Variants in DNAJC11 observed in about 807,000 individuals in gnomAD.
The protein encoded by DNAJC11 is dnaJ homolog subfamily C member 11.
DNAJC11 carries 15 observed loss-of-function variants against 78.6 expected under a neutral mutation model. That is an observed-to-expected ratio of 0.19 (90% CI 0.13 to 0.29). The LOEUF is 0.29. DNAJC11 is among the 10% of genes least tolerant of loss of function. DNAJC11 has a pLI of 1.00. For missense variants in DNAJC11, 547 were observed against 709.6 expected, an observed-to-expected ratio of 0.77 and a Z score of 2.60; for synonymous variants, 292 against 272.1, an observed-to-expected ratio of 1.07 and a Z score of -0.72.
chr1:6,658,843 C>T (rs1327752038), intron 4 of DNAJC11, among the ~76,000 whole-genome samples: 1 of 152,280 alleles, frequency 6.6e-6, no homozygotes, highest in African/African-American at 2.4e-5. Flanking sequence ...CAACTGCTGC[C>T]CCCCTGGCCA....
At chr1:6,677,002 T>C (rs1198273603) in intron 3 of DNAJC11, among the ~76,000 whole-genome samples, 2 of 152,012 alleles carry the variant, frequency 1.3e-5, no homozygotes, top group African/African-American at 4.8e-5. Context: ...GGAGAAACCC[T>C]GTCTCTACTA....
intron 1 of DNAJC11, among the ~76,000 whole-genome samples, chr1:6,687,680 C>T (rs557919370): frequency 6.6e-5 from 10 of 152,222 alleles, no homozygotes; most frequent in South Asian, 2.1e-4. Flanking sequence ...TTCCCAGCTC[C>T]GCCATATCCT....
At chr1:6,648,763 C>T (rs753867135) in intron 7 of DNAJC11, among the ~76,000 whole-genome samples, 38 of 152,252 alleles carry the variant, frequency 2.5e-4, no homozygotes, top group Admixed American at 5.2e-4. Flanking sequence ...GCCCCCGAGG[C>T]GGCTTTTAAC....
chr1:6,692,703 C>A (rs1440411818), intron 1 of DNAJC11, among the ~76,000 whole-genome samples: 1 of 149,970 alleles, frequency 6.7e-6, no homozygotes, highest in African/African-American at 2.5e-5. Flanking sequence ...CTCTGCCTCC[C>A]GGGTTCAAGT....
At chr1:6,654,554 G>T (rs142984878) in intron 4 of DNAJC11, among the ~76,000 whole-genome samples, 152 of 152,270 alleles carry the variant, frequency 1.0e-3, no homozygotes, top group Middle Eastern at 3.4e-3. Context: ...AAATTAATGA[G>T]AATTAAGTTT....
chr1:6,635,456 C>T lies in DNAJC11; in HGVS notation c.*219G>A, dbSNP rs1373419150. ...CTTGGGAAAACAGCCATGGGCCAGG[C>T]TGCAGTCTGGTTCCCAGTGGGGCTG... On this transcript the variant is annotated 3_prime_UTR_variant, in exon 16 of 16. Coordinates refer to ENST00000377577, the MANE Select transcript of DNAJC11 (RefSeq NM_018198.4). 1 of 541,528 alleles carries T rather than the reference C, an allele frequency of 1.8e-6. No individual in the cohort carries two copies. Among genetic ancestry groups the T allele is most frequent in the Non-Finnish European group, 3.3e-6 (1 of 304,814 alleles). 33.5% of individuals were successfully genotyped at this position (541,528 alleles called of 1,614,324 possible). A position where few individuals can be genotyped will look rare whatever the true frequency, so the allele number is the denominator to read the frequency against.
chr1:6,684,479 C>A (rs758704453), intron 1 of DNAJC11, among the ~76,000 whole-genome samples: 5 of 152,324 alleles, frequency 3.3e-5, no homozygotes, highest in Admixed American at 1.3e-4. Context: ...CTCAGTTAGA[C>A]TGCTATTTCC....
chr1:6,667,308 CTTAGGTGG>C (rs1281616653), intron 4 of DNAJC11, among the ~76,000 whole-genome samples: 1 of 152,140 alleles, frequency 6.6e-6, no homozygotes. Flanking sequence ...TGCCTCAATG[CTTAGGTGG>C]TTAGGTGGCT....
chr1:6,635,734 A>G, intron 15 of DNAJC11, 34 bp from the exon 16 acceptor site: 2 of 1,613,984 alleles, frequency 1.2e-6, no homozygotes, highest in Non-Finnish European at 1.7e-6. Context: ...GGTGATCAGA[A>G]GGTGGCCATT....
In DNAJC11 at chr1:6,646,098, CTCCCAGT is replaced by C; in HGVS notation, c.705-127_705-121del. ...TCACGTCTATGCATCCCTGGGCCAG[CTCCCAGT>C]AAAAAAAAAAGCAGGAGGTCAGGCC... is the stretch of plus-strand genomic sequence containing the variant. On this transcript the variant is annotated intron_variant, in intron 7 of 15. Coordinates refer to ENST00000377577, the MANE Select transcript of DNAJC11 (RefSeq NM_018198.4). 4.0e-6 allele frequency: 4 copies of C among 988,856 alleles called. No homozygotes were observed. The Admixed American group carries it at 7.4e-5, about 18-fold the overall frequency. The allele number at this position is 988,856 out of a possible 1,614,324, so 61.3% of individuals were successfully genotyped here.
intron 4 of DNAJC11, among the ~76,000 whole-genome samples, chr1:6,662,688 C>T (rs879589313): frequency 1.3e-5 from 2 of 152,178 alleles, no homozygotes; most frequent in Non-Finnish European, 2.9e-5. Context: ...GTAAAAAGCA[C>T]CAATTAGTGC....
At chr1:6,635,911 A>G (rs1331796240) in intron 15 of DNAJC11, among the ~76,000 whole-genome samples, 1 of 152,146 alleles carries the variant, frequency 6.6e-6, no homozygotes, top group Non-Finnish European at 1.5e-5. Flanking sequence ...GCTCACTCTA[A>G]TTCTACCTGT....
Position 6,639,501 on chromosome 1 carries a change from T to C in DNAJC11, c.1253+401A>G, listed in dbSNP as rs372701002. 5.4e-3 allele frequency among the ~76,000 whole-genome samples: 816 copies of C among 151,844 alleles called. 5 individuals are homozygous for C. The highest frequency in any genetic ancestry group is 0.018 in the African/African-American group (757 of 41,382). On this transcript the variant is annotated intron_variant, in intron 11 of 15. Transcript: ENST00000377577. ...CGTGCCACCACGCCCGGCTAATTTT[T>C]CTATTTTTTTAGTAGAGACAGGGTT... is the stretch of plus-strand genomic sequence containing the variant.
chr1:6,641,045 A>G (rs1176981988), intron 10 of DNAJC11, among the ~76,000 whole-genome samples: 1 of 152,058 alleles, frequency 6.6e-6, no homozygotes, highest in African/African-American at 2.4e-5. Flanking sequence ...ACTCTTCCAG[A>G]ATAAAAGCTC....
intron 7 of DNAJC11, among the ~76,000 whole-genome samples, chr1:6,649,793 C>T (rs987411359): frequency 9.9e-5 from 15 of 151,590 alleles, no homozygotes; most frequent in East Asian, 2.0e-4. Flanking sequence ...TTGCAACCTC[C>T]GCCTCCTGGG....
At chr1:6,696,398 C>T (rs1642836531) in intron 1 of DNAJC11, among the ~76,000 whole-genome samples, 1 of 152,206 alleles carries the variant, frequency 6.6e-6, no homozygotes, top group South Asian at 2.1e-4. Context: ...ATGGCTGAGT[C>T]AGTGGTCCTG....
intron 1 of DNAJC11, among the ~76,000 whole-genome samples, chr1:6,701,511 G>A (rs1255999452): frequency 6.6e-6 from 1 of 152,198 alleles, no homozygotes; most frequent in Non-Finnish European, 1.5e-5. Flanking sequence ...TGGCCTTCAG[G>A]AGCTGGGGCG....
chr1:6,667,904 A>C lies in DNAJC11; in HGVS notation c.277-94T>G, dbSNP rs566173767. On this transcript the variant is annotated intron_variant, in intron 3 of 15. Coordinates refer to ENST00000377577, the MANE Select transcript of DNAJC11 (RefSeq NM_018198.4). ...TGCAGCCATTGATTTTGGTGTGTGCATGCTGCCTGGGGTCCGGCCACAGCC... is the reference window on the plus strand; with the variant it reads ...TGCAGCCATTGATTTTGGTGTGTGCCTGCTGCCTGGGGTCCGGCCACAGCC... 2.5e-6 allele frequency: 3 copies of C among 1,209,200 alleles called. No individual in the cohort carries two copies. In the South Asian group the frequency reaches 3.7e-5, roughly 15 times the overall value. 74.9% of individuals were successfully genotyped at this position (1,209,200 alleles called of 1,614,324 possible).
At chr1:6,677,095 T>G (rs530123417) in intron 3 of DNAJC11, among the ~76,000 whole-genome samples, 1 of 148,766 alleles carries the variant, frequency 6.7e-6, no homozygotes, top group East Asian at 2.0e-4. Flanking sequence ...GAATCACTTG[T>G]TGCAGTGAGC....
Sources: gnomAD v4.1 joint callset for allele counts (sites outside exome capture counted in the v4.1 genomes callset) on GRCh38, gnomAD v4.1.1 for gene constraint, MANE v1.5 for transcripts, NCBI Gene and HGNC (gene_info 2026-07-23, HGNC 2026-07-21) for gene names.